Variants in POU6F1 observed in about 807,000 individuals in gnomAD.
POU6F1 encodes POU class 6 homeobox 1, also known as POU domain, class 6, transcription factor 1.
In POU6F1, 9 loss-of-function variants were observed where a neutral mutation model predicts 28.9. The ratio of observed to expected loss-of-function variants is 0.31; its 90% confidence interval spans 0.19 to 0.54. POU6F1 has a LOEUF of 0.54. Ranked by LOEUF, POU6F1 falls within the 20% of genes least tolerant of loss-of-function variation. The pLI is 0.94. For synonymous variants in POU6F1, 173 were observed against 171.1 expected (o/e 1.01, Z -0.09); for missense variants, 338 against 426.1 (o/e 0.79, Z 1.82).
chr12:51,207,049 A>G, intron 1 of POU6F1, 166 bp from the exon 2 acceptor site: 1 of 351,364 alleles, frequency 2.8e-6, no homozygotes, highest in Non-Finnish European at 5.1e-6. Flanking sequence ...TTTTTGAGAC[A>G]GTTTCACTCT....
At chr12:51,203,913 G>A (rs1943393080) in intron 3 of POU6F1, among the ~76,000 whole-genome samples, 1 of 152,178 alleles carries the variant, frequency 6.6e-6, no homozygotes. Context: ...CCTAAGCGGA[G>A]CGCTACCAGT....
Position 51,199,040 on chromosome 12 carries a change from A to C in POU6F1, c.367-265T>G, listed in dbSNP as rs1269582849. ...CCTGCTCACAGGATGGGAAGGGGGC[A>C]CAGGCCTCCCCCACCACAGCCTGCT... On this transcript the variant is annotated intron_variant, in intron 4 of 10. Transcript: ENST00000333640. This position sits in a 1 kb window ranked among gnomAD's most constrained non-coding sequence, Gnocchi z 4.1. Among the ~76,000 whole-genome samples the C allele has an allele frequency of 6.6e-6, 1 of 152,200 alleles. No individual in the cohort carries two copies. Among genetic ancestry groups the C allele is most frequent in the Non-Finnish European group, 1.5e-5 (1 of 68,032 alleles).
At chr12:51,191,790 TGA>T in intron 9 of POU6F1, 26 bp from the exon 10 acceptor site, 1 of 1,613,150 alleles carries the variant, frequency 6.2e-7, no homozygotes, top group Non-Finnish European at 8.5e-7. Context: ...GGAGCAGGGA[TGA>T]GTGTGTAACA....
At position 51,217,602 on chromosome 12, in the gene POU6F1, T is replaced by C. The variant is rs1451892208; in HGVS notation, c.-48+40A>G. ...CCTCCCCTGCCCGGCCCCCTCCCCC[T>C]CCGTGCAAACCCCTCCCCGCCCCGG... is the stretch of plus-strand genomic sequence containing the variant. On this transcript the variant is annotated intron_variant, in intron 1 of 10. Transcript: ENST00000333640. This position sits in a 1 kb window ranked among gnomAD's most constrained non-coding sequence, Gnocchi z 5.3. 5.4e-5 allele frequency: 7 copies of C among 129,926 alleles called. No homozygotes were observed. The highest frequency in any genetic ancestry group is 8.5e-5 in the Non-Finnish European group (5 of 58,796). The allele number at this position is 129,926 out of a possible 1,614,324, so 8.0% of individuals were successfully genotyped here. A position where few individuals can be genotyped will look rare whatever the true frequency, so the allele number is the denominator to read the frequency against.
At chr12:51,193,777 A>G (rs1384047598) in intron 8 of POU6F1, among the ~76,000 whole-genome samples, 1 of 152,178 alleles carries the variant, frequency 6.6e-6, no homozygotes, top group Admixed American at 6.5e-5. Flanking sequence ...TAAAAACCAC[A>G]TATCCTATTT....
intron 10 of POU6F1, among the ~76,000 whole-genome samples, chr12:51,191,097 C>T (rs141554143): frequency 4.1e-4 from 63 of 152,338 alleles, no homozygotes; most frequent in African/African-American, 1.4e-3. Flanking sequence ...TTGGCCATCC[C>T]TGAGCCATGC....
chr12:51,191,207 T>C (rs767572942), intron 10 of POU6F1, among the ~76,000 whole-genome samples: 8 of 152,200 alleles, frequency 5.3e-5, no homozygotes, highest in Non-Finnish European at 7.3e-5. Flanking sequence ...CATTCCTTGT[T>C]AGAGGGGAGA....
chr12:51,215,277 G>A (rs1003057589), intron 1 of POU6F1, among the ~76,000 whole-genome samples: 1 of 151,988 alleles, frequency 6.6e-6, no homozygotes, highest in African/African-American at 2.4e-5. Context: ...GGTACAGGCC[G>A]GGTGTGGTGG....
rs3490 is a variant in POU6F1 at position 51,189,723 on chromosome 12, G to A, written c.*524C>T. On this transcript the variant is annotated 3_prime_UTR_variant, in exon 11 of 11. Coordinates refer to ENST00000333640, the MANE Select transcript of POU6F1 (RefSeq NM_001330422.2). The stretch of plus-strand genomic sequence containing the variant: ...ACACTTTTTTGAATTTTATCTCCCA[G>A]GTCCTTTCGGTGCACCTGCAGGCAA... 0.33 allele frequency: 53,320 copies of A among 162,204 alleles called. 9,136 individuals carry two copies. Among genetic ancestry groups the A allele is most frequent in the African/African-American group, 0.43 (17,783 of 41,550 alleles). The allele number at this position is 162,204 out of a possible 1,614,324, so 10.0% of individuals were successfully genotyped here.
chr12:51,192,595 G>A lies in POU6F1; in HGVS notation c.1180-124C>T, dbSNP rs1457722444. On this transcript the variant is annotated intron_variant, in intron 8 of 10. Transcript: ENST00000333640. Reference sequence around the variant, plus strand: ...ATCCTCACGCATGCAGGACATTCCCGCCTGGGCTCTATCATAAAACAAGAC... The same window carrying A: ...ATCCTCACGCATGCAGGACATTCCCACCTGGGCTCTATCATAAAACAAGAC... 20 of 1,259,528 alleles carry A rather than the reference G, an allele frequency of 1.6e-5. 1 individual carries two copies. Among genetic ancestry groups the A allele is most frequent in the East Asian group, 4.9e-5 (2 of 40,528 alleles). 78.0% of individuals were successfully genotyped at this position (1,259,528 alleles called of 1,614,324 possible). A position where few individuals can be genotyped will look rare whatever the true frequency, so the allele number is the denominator to read the frequency against.
In POU6F1 at chr12:51,195,970, C is replaced by A; in HGVS notation, c.1179G>T (p.Glu393Asp). 1.1e-6 allele frequency: 1 copy of A among 930,888 alleles called. No homozygotes were observed. The highest frequency in any genetic ancestry group is 4.8e-5 in the East Asian group (1 of 20,638). The allele number at this position is 930,888 out of a possible 1,614,324, so 57.7% of individuals were successfully genotyped here. Residue 393 changes from glutamate to aspartate, a missense_variant and splice_region_variant, in exon 8 of 11, where the codon GAG becomes GAT. Physicochemically the swap from Glu to Asp is conservative, Grantham distance 45. Coordinates refer to ENST00000333640, the MANE Select transcript of POU6F1 (RefSeq NM_001330422.2). ...PSTPESPAKS[E>D]VQPIQPTPTV... ...CCCCCACCCCCCCCAGCCCCTGTAC[C>A]TCACTCTTAGCAGGGGACTCAGGTG... is the stretch of plus-strand genomic sequence containing the variant.
chr12:51,201,217 A>G (rs1018616452), intron 3 of POU6F1, among the ~76,000 whole-genome samples: 6 of 152,206 alleles, frequency 3.9e-5, no homozygotes, highest in Non-Finnish European at 8.8e-5. Context: ...GAAGGCGTCA[A>G]CCTCAACTCA....
chr12:51,203,377 C>T (rs1256733192), intron 3 of POU6F1, among the ~76,000 whole-genome samples: 2 of 152,124 alleles, frequency 1.3e-5, no homozygotes, highest in African/African-American at 4.8e-5. Flanking sequence ...CCTTGTCTTC[C>T]CTGCCTGGTC....
At chr12:51,204,569 A>C (rs1193220690) in intron 2 of POU6F1, among the ~76,000 whole-genome samples, 4 of 152,152 alleles carry the variant, frequency 2.6e-5, no homozygotes, top group African/African-American at 9.7e-5. Context: ...CTGCTGGAAG[A>C]AAGCAGGCCC....
chr12:51,190,662 G>C lies in POU6F1; in HGVS notation c.1491-70C>G, dbSNP rs533615358. 1.8e-5 allele frequency: 28 copies of C among 1,559,040 alleles called. No homozygotes were observed. The South Asian group carries it at 3.4e-4, about 19-fold the overall frequency. On this transcript the variant is annotated intron_variant, in intron 10 of 10. Transcript: ENST00000333640. This position sits in a 1 kb window ranked among gnomAD's most constrained non-coding sequence, Gnocchi z 4.5. Reference sequence around the variant, plus strand: ...GTCTCTTTGGCACACCCCGCACCTAGGTGCAGGCTCCATCCTCAAGGGGCC... The same window carrying C: ...GTCTCTTTGGCACACCCCGCACCTACGTGCAGGCTCCATCCTCAAGGGGCC...
intron 9 of POU6F1, 52 bp from the exon 10 acceptor site, chr12:51,191,816 T>G (rs10735831): frequency 0.34 from 540,204 of 1,599,640 alleles, 94,108 homozygotes; most frequent in African/African-American, 0.58. Context: ...GAACCATCCC[T>G]GCTTATCTGG....
chr12:51,193,001 C>CA (rs1942543086), intron 8 of POU6F1, among the ~76,000 whole-genome samples: 1 of 152,178 alleles, frequency 6.6e-6, no homozygotes, highest in Admixed American at 6.5e-5. Flanking sequence ...CCTGCCCTAC[C>CA]AACCTGGAGC....
At chr12:51,212,776 C>CAAAAAAAA (rs1176606531) in intron 1 of POU6F1, among the ~76,000 whole-genome samples, 23 of 37,680 alleles carry the variant, frequency 6.1e-4, no homozygotes, top group East Asian at 1.1e-3. Context: ...AACTCCGTCT[C>CAAAAAAAA]AAAAAAAAAA....
chr12:51,197,380 G>C (rs1016937028), intron 6 of POU6F1, among the ~76,000 whole-genome samples: 2 of 152,172 alleles, frequency 1.3e-5, no homozygotes, highest in Admixed American at 6.5e-5. Context: ...AGGCTGATGT[G>C]ATCCTAGTCA....
Sources: gnomAD v4.1 joint callset for allele counts (sites outside exome capture counted in the v4.1 genomes callset) on GRCh38, gnomAD v4.1.1 for gene constraint, Gnocchi (gnomAD v3.1) non-coding constraint, MANE v1.5 for transcripts, NCBI Gene and HGNC (gene_info 2026-07-23, HGNC 2026-07-21) for gene names.